TANC1: variants seen among roughly 807,000 people sequenced by gnomAD.
TANC1 encodes protein TANC1.
In TANC1, 77 loss-of-function variants were observed where a neutral mutation model predicts 149.7. The ratio of observed to expected loss-of-function variants is 0.51; its 90% CI spans 0.43 to 0.62. TANC1 has a LOEUF of 0.62. TANC1 is among the 20% of genes least tolerant of loss of function. TANC1 has a pLI of 0.00. For synonymous variants in TANC1, 854 were observed against 925.0 expected (o/e 0.92, Z 1.39); for missense variants, 1,985 against 2,321.8 (o/e 0.85, Z 2.98).
rs557136069 is a variant in TANC1, at chr2:159,153,200, A to G, written c.682+2644A>G. On this transcript the variant is annotated intron_variant, in intron 7 of 26. Transcript: ENST00000263635. The stretch of plus-strand genomic sequence containing the variant: ...TCGGGAGAGGGAACGTTCAGTTTAT[A>G]AAGAAGCTATGCAGGATCCCCATTC... 2.0e-5 allele frequency among the ~76,000 whole-genome samples: 3 copies of G among 152,344 alleles called. No individual in the cohort carries two copies. The South Asian group carries it at 6.2e-4, about 32-fold the overall frequency.
At chr2:159,102,117 T>G (rs1490839705) in intron 4 of TANC1, among the ~76,000 whole-genome samples, 22 of 152,080 alleles carry the variant, frequency 1.4e-4, no homozygotes, top group Non-Finnish European at 7.4e-5. Flanking sequence ...GCGAAGGCAC[T>G]CCCTCCCCCA....
In TANC1 at chr2:159,206,377, C is replaced by T. The variant is rs926544404; in HGVS notation, c.3244+7324C>T. Among the ~76,000 whole-genome samples the T allele has an allele frequency of 5.3e-5, 8 of 152,248 alleles. No individual in the cohort carries two copies. In the East Asian group the frequency reaches 1.4e-3, roughly 26 times the overall value. ...GGTCTCACAGACCCCTGGGTTTTGCCCCTGATGTGGGTGGGTTCCGGAGAC... is the reference window on the plus strand; with the variant it reads ...GGTCTCACAGACCCCTGGGTTTTGCTCCTGATGTGGGTGGGTTCCGGAGAC... On this transcript the variant is annotated intron_variant, in intron 19 of 26. Coordinates refer to ENST00000263635, the MANE Select transcript of TANC1 (RefSeq NM_033394.3).
rs2060113608 is a variant in TANC1 at position 159,227,919 on chromosome 2, G to C, written c.4004G>C (p.Arg1335Thr). ...GEDMRPFNELRVSLYLNLSRC... is the reference protein window; with the variant it reads ...GEDMRPFNELTVSLYLNLSRC... ...GACATGAGACCCTTCAATGAATTAA[G>C]GGTTTCCCTCTATCTCAATTTGTCG... is the stretch of plus-strand genomic sequence containing the variant. The change falls in exon 25 of 27, where the codon AGG becomes ACG. Residue 1335 changes from arginine to threonine, a missense_variant. Arg to Thr is a moderately conservative substitution (Grantham distance 71). Transcript: ENST00000263635. The C allele has an allele frequency of 3.1e-6, 5 of 1,614,012 alleles. No individual in the cohort carries two copies. The East Asian group carries it at 1.1e-4, about 36-fold the overall frequency.
chr2:158,990,340 C>G (rs2035491354), intron 1 of TANC1, among the ~76,000 whole-genome samples: 1 of 152,180 alleles, frequency 6.6e-6, no homozygotes, highest in Admixed American at 6.5e-5. Context: ...TTGTTTGATT[C>G]AGCAGGAACT....
intron 4 of TANC1, among the ~76,000 whole-genome samples, chr2:159,114,240 G>C (rs1055467405): frequency 6.6e-6 from 1 of 152,150 alleles, no homozygotes; most frequent in African/African-American, 2.4e-5. Flanking sequence ...CTGTCCTCCT[G>C]AGGGGAGGAC....
At position 159,225,794 on chromosome 2, in the gene TANC1, CCTTTT is replaced by C. The variant is rs1280570347; in HGVS notation, c.3903+20_3903+24del. 23 of 1,600,226 alleles carry C rather than the reference CCTTTT, an allele frequency of 1.4e-5. No individual in the cohort carries two copies. The highest frequency in any genetic ancestry group is 1.9e-5 in the Non-Finnish European group (22 of 1,168,234). On this transcript the variant is annotated intron_variant, in intron 24 of 26. Coordinates refer to ENST00000263635, the MANE Select transcript of TANC1 (RefSeq NM_033394.3). Reference sequence around the variant, plus strand: ...TGATGTACAAAGTAAGTGGTTCCGCCCTTTTCTTTGCCATTGAAACTGCCTGGGAG... The same window carrying C: ...TGATGTACAAAGTAAGTGGTTCCGCCCTTTGCCATTGAAACTGCCTGGGAG...
chr2:159,078,974 A>T (rs2043972830), intron 3 of TANC1, among the ~76,000 whole-genome samples: 1 of 151,790 alleles, frequency 6.6e-6, no homozygotes, highest in Non-Finnish European at 1.5e-5. Context: ...TTGTTTTTGT[A>T]TTTTTTTTAA....
intron 5 of TANC1, among the ~76,000 whole-genome samples, chr2:159,141,743 T>G (rs1409473368): frequency 6.6e-6 from 1 of 152,190 alleles, no homozygotes; most frequent in African/African-American, 2.4e-5. Context: ...AAACAGGTCG[T>G]TGACAAAAGA....
At chr2:158,970,817 G>C (rs987082946) in intron 1 of TANC1, among the ~76,000 whole-genome samples, 1 of 152,078 alleles carries the variant, frequency 6.6e-6, no homozygotes, top group African/African-American at 2.4e-5. Context: ...AATTTAAGGT[G>C]AGTTTTTATG....
At chr2:158,997,944 C>T (rs2036280872) in intron 1 of TANC1, among the ~76,000 whole-genome samples, 2 of 152,086 alleles carry the variant, frequency 1.3e-5, no homozygotes, top group African/African-American at 2.4e-5. Flanking sequence ...AGTGGAGAAA[C>T]CTGCCAGCAC....
At chr2:158,987,640 TG>T (rs2035164535) in intron 1 of TANC1, among the ~76,000 whole-genome samples, 1 of 152,210 alleles carries the variant, frequency 6.6e-6, no homozygotes, top group Non-Finnish European at 1.5e-5. Flanking sequence ...CCCTCTGTCA[TG>T]CATGTCTTTT....
At chr2:159,181,370 A>G (rs2056454671) in intron 14 of TANC1, among the ~76,000 whole-genome samples, 1 of 150,200 alleles carries the variant, frequency 6.7e-6, no homozygotes. Flanking sequence ...ATCTCAGCTC[A>G]CTGCAGGCTC....
At position 159,199,009 on chromosome 2, in the gene TANC1, A is replaced by G. The variant is rs762659787; in HGVS notation, c.3200A>G (p.His1067Arg). 3 of 1,614,150 alleles carry G rather than the reference A, an allele frequency of 1.9e-6. No individual in the cohort carries two copies. The highest frequency in any genetic ancestry group is 1.3e-5 in the African/African-American group (1 of 75,066). ...TGCTTGCTGGGGATGGAGAAGGAAC[A>G]TGAAGTAGAAGTCAATGGCACCGAC... ...VQCLLGMEKE[H>R]EVEVNGTDTL... Residue 1067 changes from histidine to arginine, a missense_variant, in exon 19 of 27, where the codon CAT (histidine) becomes CGT (arginine). Physicochemically the swap from His to Arg is conservative, Grantham distance 29. Transcript: ENST00000263635.
intron 8 of TANC1, among the ~76,000 whole-genome samples, chr2:159,167,232 G>A (rs2150435440): frequency 6.6e-6 from 1 of 152,264 alleles, no homozygotes; most frequent in East Asian, 1.9e-4. Context: ...AATGAATTAC[G>A]GGTTATGAAT....
intron 2 of TANC1, among the ~76,000 whole-genome samples, chr2:159,018,000 T>G (rs1449692354): frequency 6.6e-6 from 1 of 152,242 alleles, no homozygotes; most frequent in Non-Finnish European, 1.5e-5. Context: ...AGTGTATGTG[T>G]GCGTTTTGAA....
At chr2:159,041,587 G>C (rs533260193) in intron 2 of TANC1, among the ~76,000 whole-genome samples, 20 of 152,364 alleles carry the variant, frequency 1.3e-4, no homozygotes, top group Non-Finnish European at 2.5e-4. Flanking sequence ...GGGACCCGCT[G>C]AGCCAGGTGC....
rs2060290127 is a variant in TANC1, at chr2:159,230,648, G to A, written c.5222G>A (p.Ser1741Asn). The A allele has an allele frequency of 2.5e-6, 4 of 1,614,224 alleles. No individual in the cohort carries two copies. The highest frequency in any genetic ancestry group is 3.4e-6 in the Non-Finnish European group (4 of 1,180,046). The change falls in exon 27 of 27, where the codon AGC (serine) becomes AAC (asparagine). Residue 1741 changes from serine to asparagine, a missense_variant. Around this residue, in one of 3 missense-constraint regions of TANC1, gnomAD observed 920 missense variants for 994.7 expected, o/e 0.92. Coordinates refer to ENST00000263635, the MANE Select transcript of TANC1 (RefSeq NM_033394.3). This position sits in a 1 kb window ranked among gnomAD's most constrained non-coding sequence, Gnocchi z 4.4. ...ARFQQQSNPP[S>N]RSWHCPAPEG... is the part of the protein sequence containing the mutation. ...TTCCAACAGCAGAGCAATCCTCCAA[G>A]CCGCAGCTGGCACTGTCCGGCACCA...
chr2:159,163,204 G>T, intron 7 of TANC1, 79 bp from the exon 8 acceptor site: 1 of 1,394,054 alleles, frequency 7.2e-7, no homozygotes, highest in Non-Finnish European at 9.9e-7. Flanking sequence ...TGATCCTGGG[G>T]AGGGCAGTGT....
At chr2:159,014,384 C>T (rs1016613330) in intron 2 of TANC1, among the ~76,000 whole-genome samples, 19 of 152,116 alleles carry the variant, frequency 1.2e-4, no homozygotes, top group African/African-American at 4.6e-4. Flanking sequence ...GGGAAACTGC[C>T]CCCATGATTC....
Sources: gnomAD v4.1 joint callset for allele counts (sites outside exome capture counted in the v4.1 genomes callset) on GRCh38, gnomAD v4.1.1 for gene constraint, gnomAD v4.1.1 regional missense constraint, Gnocchi (gnomAD v3.1) non-coding constraint, MANE v1.5 for transcripts, NCBI Gene and HGNC (gene_info 2026-07-23, HGNC 2026-07-21) for gene names.